SPDYE5: variants seen among roughly 807,000 people sequenced by gnomAD.
SPDYE5 encodes the protein speedy/RINGO cell cycle regulator family member E5.
A neutral mutation model predicts 48.5 loss-of-function variants in SPDYE5; 15 were observed. The observed-to-expected ratio is 0.31, with a 90% CI of 0.21 to 0.48. The LOEUF is 0.48. Ranked by LOEUF, SPDYE5 falls within the 20% of genes least tolerant of loss-of-function variation. The pLI, the probability that SPDYE5 is intolerant of heterozygous loss-of-function variation, is 0.99. For missense variants in SPDYE5, 331 were observed against 549.1 expected (o/e 0.60, Z 3.97); for synonymous variants, 116 against 200.7 (o/e 0.58, Z 3.57).
At position 75,495,206 on chromosome 7, in the gene SPDYE5, A is replaced by C; in HGVS notation, c.211A>C (p.Lys71Gln). The C allele has an allele frequency of 1.3e-6, 2 of 1,597,258 alleles. No individual in the cohort carries two copies. Among genetic ancestry groups the C allele is most frequent in the South Asian group, 2.2e-5 (2 of 90,968 alleles). Residue 71 changes from lysine (K) to glutamine (Q), a missense_variant, in exon 3 of 9, where the codon AAG becomes CAG. Lys to Gln is a moderately conservative substitution (Grantham distance 53, BLOSUM62 1). Transcript: ENST00000625065. Reference sequence around the variant, plus strand: ...ATGTAGGTCCCTTGGCTGGAAAAGGAAGAGGGAGTGGTCAGATGAATCTGC... The same window carrying C: ...ATGTAGGTCCCTTGGCTGGAAAAGGCAGAGGGAGTGGTCAGATGAATCTGC... Reference protein sequence around the residue: ...PPCRSLGWKRKREWSDESAEE... With the variant: ...PPCRSLGWKRQREWSDESAEE...
At chr7:75,497,190 T>C (rs1792966944) in intron 4 of SPDYE5, among the ~76,000 whole-genome samples, 1 of 151,984 alleles carries the variant, frequency 6.6e-6, no homozygotes, top group Non-Finnish European at 1.5e-5. Flanking sequence ...GAGGATTGCT[T>C]GAACTCAGGA....
chr7:75,495,843 C>A (rs1792904426), intron 3 of SPDYE5, among the ~76,000 whole-genome samples: 1 of 151,948 alleles, frequency 6.6e-6, no homozygotes. Context: ...TGTTCGAGAC[C>A]AACCAGACCA....
In SPDYE5 at chr7:75,501,535, G is replaced by A. The variant is rs587618059; in HGVS notation, c.929G>A (p.Arg310His). The A allele has an allele frequency of 5.1e-4, 772 of 1,510,294 alleles. 4 individuals are homozygous for A. The highest frequency in any genetic ancestry group is 2.9e-3 in the Admixed American group (153 of 52,238). The allele number at this position is 1,510,294 out of a possible 1,614,324, so 93.6% of individuals were successfully genotyped here. Residue 310 changes from arginine to histidine, a missense_variant, in exon 7 of 9, where the codon CGT (arginine) becomes CAT (histidine). Arg to His is a conservative substitution (Grantham distance 29). This residue lies in a region of SPDYE5 where 70 missense variants were observed against 87.6 expected (regional missense o/e 0.80). Coordinates refer to ENST00000625065, the MANE Select transcript of SPDYE5 (RefSeq NM_001306141.4). ...AAGCGCTCTCGCATACCCTTGCTCC[G>A]TAAGCGTCGGTTCCAGTTAGGCCGT... is the stretch of plus-strand genomic sequence containing the variant. ...RKKRSRIPLLRKRRFQLGRSM... is the reference protein window; with the variant it reads ...RKKRSRIPLLHKRRFQLGRSM...
In SPDYE5 at chr7:75,503,277, T is replaced by A. The variant is rs587685115; in HGVS notation, c.*490T>A. The A allele has an allele frequency of 5.5e-3, 1,343 of 244,516 alleles. 5 individuals are homozygous for A. The highest frequency in any genetic ancestry group is 0.017 in the Middle Eastern group (12 of 692). The allele number at this position is 244,516 out of a possible 1,614,324, so 15.1% of individuals were successfully genotyped here. A position where few individuals can be genotyped will look rare whatever the true frequency, so the allele number is the denominator to read the frequency against. On this transcript the variant is annotated 3_prime_UTR_variant, in exon 9 of 9. Transcript: ENST00000625065. ...TTGTAACAGATAGCTTCATGCACAC[T>A]CTGCATTTTATTGGTTTGTTTGGAA...
In SPDYE5 at chr7:75,495,182, T is replaced by G. The variant is rs782751740; in HGVS notation, c.187T>G (p.Cys63Gly). Residue 63 changes from cysteine (C) to glycine (G), a missense_variant, in exon 3 of 9, where the codon TGT (cysteine) becomes GGT (glycine). Cys to Gly is a radical substitution (Grantham distance 159). Transcript: ENST00000625065. ...SAPGVDPSPP[C>G]RSLGWKRKRE... Reference sequence around the variant, plus strand: ...CCCTGGGGTAGATCCCAGCCCCCCATGTAGGTCCCTTGGCTGGAAAAGGAA... The same window carrying G: ...CCCTGGGGTAGATCCCAGCCCCCCAGGTAGGTCCCTTGGCTGGAAAAGGAA... 3.8e-6 allele frequency: 6 copies of G among 1,597,218 alleles called. No homozygotes were observed. Among genetic ancestry groups the G allele is most frequent in the African/African-American group, 2.7e-5 (2 of 74,838 alleles).
chr7:75,499,766 CAAAAAAAAAAA>C (rs1207603153), intron 6 of SPDYE5, among the ~76,000 whole-genome samples: 1 of 17,888 alleles, frequency 5.6e-5, no homozygotes, highest in African/African-American at 2.3e-4. Flanking sequence ...GACTTTTTCT[CAAAAAAAAAAA>C]AAAAAAAAAA....
At chr7:75,498,967 G>A (rs1554483023) in intron 5 of SPDYE5, among the ~76,000 whole-genome samples, 3 of 146,132 alleles carry the variant, frequency 2.1e-5, no homozygotes, top group Admixed American at 1.4e-4. Context: ...TACACCAGCC[G>A]ACCTAGACAC....
chr7:75,502,922 T>G lies in SPDYE5; in HGVS notation c.*135T>G. The G allele has an allele frequency of 1.7e-5, 15 of 904,112 alleles. No homozygotes were observed. The highest frequency in any genetic ancestry group is 1.6e-4 in the South Asian group (12 of 75,838). 56.0% of individuals were successfully genotyped at this position (904,112 alleles called of 1,614,324 possible). ...ACCAGGAAGGAGGAGAGGAACCATT[T>G]GTGCAGATCATCTAGAAGAACCTGG... On this transcript the variant is annotated 3_prime_UTR_variant, in exon 9 of 9. Transcript: ENST00000625065.
chr7:75,495,859 G>C (rs1315325309), intron 3 of SPDYE5, among the ~76,000 whole-genome samples: 4 of 152,004 alleles, frequency 2.6e-5, no homozygotes, highest in Non-Finnish European at 4.4e-5. Context: ...GACCAATATA[G>C]CGAAACCTCA....
At chr7:75,495,614 C>T (rs141469363) in intron 3 of SPDYE5, among the ~76,000 whole-genome samples, 14,484 of 100,924 alleles carry the variant, frequency 0.14, no homozygotes, top group African/African-American at 0.29. Context: ...TGCAGTGGCT[C>T]ACGCCTGAGA....
chr7:75,503,158 T>C lies in SPDYE5; in HGVS notation c.*371T>C, dbSNP rs1456081666. The stretch of plus-strand genomic sequence containing the variant: ...CGGAACCTGGAGGTCCTGTTTCTTA[T>C]GGACTTGGTTACCACAGTCCAGAAG... On this transcript the variant is annotated 3_prime_UTR_variant, in exon 9 of 9. Transcript: ENST00000625065. 8 of 423,994 alleles carry C rather than the reference T, an allele frequency of 1.9e-5. No homozygotes were observed. Among genetic ancestry groups the C allele is most frequent in the Admixed American group, 1.0e-4 (4 of 38,150 alleles). The allele number at this position is 423,994 out of a possible 1,614,324, so 26.3% of individuals were successfully genotyped here.
rs1218284865 is a variant in SPDYE5, at chr7:75,504,118, T to G, written c.*1331T>G. 5 of 152,280 alleles carry G rather than the reference T, an allele frequency of 3.3e-5. No individual in the cohort carries two copies. The highest frequency in any genetic ancestry group is 1.2e-4 in the African/African-American group (5 of 41,568). 9.4% of individuals were successfully genotyped at this position (152,280 alleles called of 1,614,324 possible). ...AATTCTTGTAAAAATAAATTTTTAT[T>G]TGATATTTCATATATGTTTGAAATG... On this transcript the variant is annotated 3_prime_UTR_variant, in exon 9 of 9. Coordinates refer to ENST00000625065, the MANE Select transcript of SPDYE5 (RefSeq NM_001306141.4).
intron 8 of SPDYE5, among the ~76,000 whole-genome samples, chr7:75,502,462 C>T (rs1356771038): frequency 3.9e-5 from 6 of 152,232 alleles, no homozygotes; most frequent in Admixed American, 3.9e-4. Flanking sequence ...GATGTTGTCA[C>T]ATTAGAAACA....
chr7:75,504,162 T>A lies in SPDYE5; in HGVS notation c.*1375T>A, dbSNP rs1428259930. On this transcript the variant is annotated 3_prime_UTR_variant, in exon 9 of 9. Coordinates refer to ENST00000625065, the MANE Select transcript of SPDYE5 (RefSeq NM_001306141.4). ...TGAAATGTGAGAATTCAGGTGTAAT[T>A]TTTTACCTTGTTTTGGCATGTTTGT... 1 of 152,192 alleles carries A rather than the reference T, an allele frequency of 6.6e-6. No homozygotes were observed. Among genetic ancestry groups the A allele is most frequent in the Non-Finnish European group, 1.5e-5 (1 of 68,038 alleles). The allele number at this position is 152,192 out of a possible 1,614,324, so 9.4% of individuals were successfully genotyped here. A position where few individuals can be genotyped will look rare whatever the true frequency, so the allele number is the denominator to read the frequency against.
At position 75,495,484 on chromosome 7, in the gene SPDYE5, C is replaced by T. The variant is rs1432357707; in HGVS notation, c.379+110C>T. 9.7e-6 allele frequency: 15 copies of T among 1,546,308 alleles called. No homozygotes were observed. In the East Asian group the frequency reaches 3.4e-4, roughly 35 times the overall value. On this transcript the variant is annotated intron_variant, in intron 3 of 8. Transcript: ENST00000625065. Reference sequence around the variant, plus strand: ...AAGATACGCCCCCCGTGGGTGAGCTCTCCACGCAGGAGGACTCAGAAGTGA... The same window carrying T: ...AAGATACGCCCCCCGTGGGTGAGCTTTCCACGCAGGAGGACTCAGAAGTGA...
intron 2 of SPDYE5, 53 bp downstream of exon 2, chr7:75,494,260 AG>A (rs1563167652): frequency 6.5e-7 from 1 of 1,529,478 alleles, no homozygotes; most frequent in Non-Finnish European, 8.7e-7. Context: ...AGACGAAGGA[AG>A]GGGGCCAGGT....
rs1385603986 is a variant in SPDYE5, at chr7:75,500,207, A to C, written c.755+891A>C. On this transcript the variant is annotated intron_variant, in intron 6 of 8. Transcript: ENST00000625065. ...CCAGGGTCCACAGTGTCAATTCTACAATCTCTACAAGCACACTGGCTCGCC... is the reference window on the plus strand; with the variant it reads ...CCAGGGTCCACAGTGTCAATTCTACCATCTCTACAAGCACACTGGCTCGCC... Among the ~76,000 whole-genome samples, 23 of 141,894 alleles carry C rather than the reference A, an allele frequency of 1.6e-4. 1 individual carries two copies. The highest frequency in any genetic ancestry group is 4.0e-4 in the African/African-American group (15 of 37,512). 93.1% of individuals were successfully genotyped at this position (141,894 alleles called of 152,430 possible).
rs1362969903 is a variant in SPDYE5, at chr7:75,501,429, G to A, written c.823G>A (p.Gly275Arg). Residue 275 changes from glycine (G) to arginine (R), a missense_variant, in exon 7 of 9, where the codon GGG becomes AGG. Physicochemically the swap from Gly to Arg is moderately radical, Grantham distance 125. Coordinates refer to ENST00000625065, the MANE Select transcript of SPDYE5 (RefSeq NM_001306141.4). The part of the protein sequence containing the change: ...SKQNIFHFLY[G>R]KNRSRIPLLR... Reference sequence around the variant, plus strand: ...ACAAAACATCTTCCACTTCCTGTATGGGAAGAACCGCTCTCGCATACCCTT... The same window carrying A: ...ACAAAACATCTTCCACTTCCTGTATAGGAAGAACCGCTCTCGCATACCCTT... 4 of 1,612,786 alleles carry A rather than the reference G, an allele frequency of 2.5e-6. No individual in the cohort carries two copies. The African/African-American group carries it at 5.3e-5, about 22-fold the overall frequency.
Position 75,501,714 on chromosome 7 carries a change from A to T in SPDYE5, c.1108A>T (p.Met370Leu). 1 of 1,569,574 alleles carries T rather than the reference A, an allele frequency of 6.4e-7. No homozygotes were observed. The highest frequency in any genetic ancestry group is 8.7e-7 in the Non-Finnish European group (1 of 1,153,918). ...ACGTCGGTTCCAGTTCTTCTGTTCC[A>T]TGAGCGGCAGGGCTTGGGTTTCCCC... ...QKRRFQFFCS[M>L]SGRAWVSPEE... Residue 370 changes from methionine to leucine, a missense_variant, in exon 7 of 9, where the codon ATG (methionine) becomes TTG (leucine). Transcript: ENST00000625065.
Sources: allele counts gnomAD v4.1 joint callset (sites outside exome capture counted in the v4.1 genomes callset), GRCh38; gene constraint gnomAD v4.1.1; regional missense constraint gnomAD v4.1.1; transcripts MANE v1.5; gene names NCBI Gene and HGNC (gene_info 2026-07-23, HGNC 2026-07-21).